IQUB: variants seen among roughly 807,000 people sequenced by gnomAD.
IQUB encodes the protein IQ motif and ubiquitin domain containing, also known as IQ motif and ubiquitin-like domain-containing protein.
IQUB carries 86 observed loss-of-function variants against 86.4 expected under a neutral mutation model. The observed-to-expected ratio is 1.00, with a 90% CI of 0.84 to 1.19. The LOEUF is 1.19. Ranked by LOEUF, IQUB falls within the 50% of genes most tolerant of loss-of-function variation. The probability of loss-of-function intolerance (pLI) is 0.00; values close to 1 mark genes in which losing one functional copy is unlikely to be tolerated. For missense variants in IQUB, 946 were observed against 916.9 expected, an observed-to-expected ratio of 1.03 and a Z score of -0.41; for synonymous variants, 289 against 304.5, an observed-to-expected ratio of 0.95 and a Z score of 0.53.
At position 123,512,319 on chromosome 7, in the gene IQUB, A is replaced by G. The variant is rs761294604; in HGVS notation, c.22T>C (p.Tyr8His). 1.9e-6 allele frequency: 3 copies of G among 1,575,052 alleles called. No individual in the cohort carries two copies. The Admixed American group carries it at 5.2e-5, about 27-fold the overall frequency. The change falls in exon 2 of 13, where the codon TAT becomes CAT. Residue 8 changes from tyrosine (Y) to histidine (H), a missense_variant. Transcript: ENST00000324698. MSNQQEK[Y>H]EAQNIVNSTE... Reference sequence around the variant, plus strand: ...GAATTGACTATATTCTGAGCTTCATACTTCTCCTGTTGATTAGACATTTTC... The same window carrying G: ...GAATTGACTATATTCTGAGCTTCATGCTTCTCCTGTTGATTAGACATTTTC...
At chr7:123,493,874 G>A (rs1795599925) in intron 7 of IQUB, among the ~76,000 whole-genome samples, 1 of 151,178 alleles carries the variant, frequency 6.6e-6, no homozygotes, top group South Asian at 2.1e-4. Context: ...CTAGTTGGGG[G>A]GGCAGGGAGG....
chr7:123,515,960 T>C (rs545955987), intron 1 of IQUB, among the ~76,000 whole-genome samples: 1 of 152,148 alleles, frequency 6.6e-6, no homozygotes, highest in Non-Finnish European at 1.5e-5. Flanking sequence ...ATTTTTTACG[T>C]GATGGAAACA....
intron 2 of IQUB, 137 bp downstream of exon 2, chr7:123,511,807 T>C (rs1438918141): frequency 1.7e-6 from 1 of 603,386 alleles, no homozygotes; most frequent in South Asian, 3.0e-5. Context: ...TATGTAACTC[T>C]GGAAGTTTGG....
Position 123,496,721 on chromosome 7 carries a change from A to G in IQUB, c.1209T>C (p.Phe403=). ...RRHNPKTNED[F]EFLYNALEFW... ...ATTCTAATGCATTATAAAGAAATTC[A>G]AAATCTTCATTTGTTTTAGGATTAT... Residue 403 remains phenylalanine (F), a synonymous_variant, in exon 7 of 13, where the codon TTT becomes TTC. Transcript: ENST00000324698. The G allele has an allele frequency of 6.2e-7, 1 of 1,605,488 alleles. No individual in the cohort carries two copies. Among genetic ancestry groups the G allele is most frequent in the Non-Finnish European group, 8.5e-7 (1 of 1,175,848 alleles).
chr7:123,506,778 C>G (rs992126404), intron 3 of IQUB, among the ~76,000 whole-genome samples: 4 of 152,116 alleles, frequency 2.6e-5, no homozygotes, highest in Admixed American at 6.6e-5. Context: ...TATGCAGAAT[C>G]CCTTACTTTC....
chr7:123,496,793 C>T lies in IQUB; in HGVS notation c.1137G>A (p.Lys379=). 6.2e-7 allele frequency: 1 copy of T among 1,611,516 alleles called. No individual in the cohort carries two copies. Among genetic ancestry groups the T allele is most frequent in the Non-Finnish European group, 8.5e-7 (1 of 1,178,288 alleles). ...TTATCCATTCTTCTTTTTCTCTTAT[C>T]TTCCTTAGTTCTTGCTGTGTTTCCC... ...LEWETQQELR[K]IREKEEWIKL... Residue 379 remains lysine (K), a synonymous_variant, in exon 7 of 13, where the codon AAG becomes AAA. Transcript: ENST00000324698.
chr7:123,461,995 C>T (rs1794012567), intron 10 of IQUB, among the ~76,000 whole-genome samples: 1 of 151,698 alleles, frequency 6.6e-6, no homozygotes, highest in Non-Finnish European at 1.5e-5. Flanking sequence ...TAAGTAAAAA[C>T]CCACTAACCC....
chr7:123,459,129 T>C (rs1793860278), intron 11 of IQUB, among the ~76,000 whole-genome samples: 1 of 151,920 alleles, frequency 6.6e-6, no homozygotes, highest in Non-Finnish European at 1.5e-5. Context: ...ATCCTAGACA[T>C]TGGAAAAGTA....
chr7:123,479,797 T>C lies in IQUB; in HGVS notation c.1408A>G (p.Lys470Glu). ...QEAAIQAFLD[K>E]CSAPKIWRTP... ...TAAATAGTAGTCACTTCACTAACCT[T>C]ATCCAAAAAAGCTTGTATTGCTGCT... Residue 470 changes from lysine to glutamate, a missense_variant and splice_region_variant, in exon 8 of 13, where the codon AAG (lysine) becomes GAG (glutamate). Lys to Glu is a moderately conservative substitution (Grantham distance 56). Coordinates refer to ENST00000324698, the MANE Select transcript of IQUB (RefSeq NM_178827.5). The C allele has an allele frequency of 6.2e-7, 1 of 1,609,908 alleles. No homozygotes were observed. Among genetic ancestry groups the C allele is most frequent in the South Asian group, 1.1e-5 (1 of 90,498 alleles).
chr7:123,516,355 T>A (rs1387502083), intron 1 of IQUB, among the ~76,000 whole-genome samples: 1 of 152,160 alleles, frequency 6.6e-6, no homozygotes, highest in East Asian at 1.9e-4. Flanking sequence ...TACAAAACAA[T>A]CATTTGTCAT....
At chr7:123,482,023 C>A (rs116124429) in intron 7 of IQUB, among the ~76,000 whole-genome samples, 2 of 151,394 alleles carry the variant, frequency 1.3e-5, no homozygotes, top group Admixed American at 1.3e-4. Context: ...AAACGGTTAG[C>A]AGATATGAAC....
chr7:123,529,341 G>A (rs965599563), intron 1 of IQUB, among the ~76,000 whole-genome samples: 9 of 151,230 alleles, frequency 6.0e-5, no homozygotes, highest in Admixed American at 3.9e-4. Context: ...TTTATAATAC[G>A]TGCTTAACAT....
At chr7:123,462,913 A>ACTC (rs946771698) in intron 10 of IQUB, 29 of 443,110 alleles carry the variant, frequency 6.5e-5, no homozygotes, top group Non-Finnish European at 1.3e-4. Flanking sequence ...ACAGAATTAA[A>ACTC]CTCTACAAAT....
At chr7:123,515,393 T>G (rs569549429) in intron 1 of IQUB, among the ~76,000 whole-genome samples, 1 of 152,314 alleles carries the variant, frequency 6.6e-6, no homozygotes, top group Non-Finnish European at 1.5e-5. Context: ...ATAAAGGACT[T>G]ATATTCAGAC....
In IQUB at chr7:123,461,474, G is replaced by T; in HGVS notation, c.1890C>A (p.Asn630Lys). 1 of 1,612,474 alleles carries T rather than the reference G, an allele frequency of 6.2e-7. No homozygotes were observed. Among genetic ancestry groups the T allele is most frequent in the South Asian group, 1.1e-5 (1 of 91,026 alleles). Residue 630 changes from asparagine to lysine, a missense_variant, in exon 11 of 13, where the codon AAC becomes AAA. Asn to Lys is a moderately conservative substitution (Grantham distance 94). Transcript: ENST00000324698. ...CTCGTTTTTGAGCCTCATTCTGAAG[G>T]TTAATGCAGTTACGACACCGGTATA... ...RRIYRCRNCI[N>K]LQNEAQKRES...
intron 1 of IQUB, among the ~76,000 whole-genome samples, chr7:123,519,006 T>G (rs1268672774): frequency 7.9e-5 from 12 of 152,046 alleles, no homozygotes; most frequent in Admixed American, 7.2e-4. Flanking sequence ...ATCAATATAA[T>G]CACTACATTT....
At chr7:123,514,304 C>T (rs977864056) in intron 1 of IQUB, among the ~76,000 whole-genome samples, 2 of 151,986 alleles carry the variant, frequency 1.3e-5, no homozygotes, top group African/African-American at 4.8e-5. Context: ...AGCAAAATTA[C>T]CTCTCAAGAA....
In IQUB at chr7:123,496,696, A is replaced by C. The variant is rs151133299; in HGVS notation, c.1234T>G (p.Phe412Val). The change falls in exon 7 of 13, where the codon TTC (phenylalanine) becomes GTC (valine). Residue 412 changes from phenylalanine to valine, a missense_variant and splice_region_variant. Phe to Val is a conservative substitution (Grantham distance 50, BLOSUM62 -1). Transcript: ENST00000324698. ...DFEFLYNALE[F>V]WRQEELTRIN... ...TTTGCAAAGCCTGTGTCCAACTTAC[A>C]TTCTAATGCATTATAAAGAAATTCA... is the stretch of plus-strand genomic sequence containing the variant. 3.2e-6 allele frequency: 5 copies of C among 1,561,214 alleles called. No homozygotes were observed. The African/African-American group carries it at 6.9e-5, about 21-fold the overall frequency.
intron 2 of IQUB, 42 bp from the exon 3 acceptor site, chr7:123,510,077 G>A (rs1796351596): frequency 7.8e-7 from 1 of 1,288,248 alleles, no homozygotes; most frequent in Non-Finnish European, 1.1e-6. Context: ...GTCAAATATA[G>A]CAAAGGTCAG....
Sources: allele counts gnomAD v4.1 joint callset (sites outside exome capture counted in the v4.1 genomes callset), GRCh38; gene constraint gnomAD v4.1.1; transcripts MANE v1.5; gene names NCBI Gene and HGNC (gene_info 2026-07-23, HGNC 2026-07-21).